Variants in CROCC2 observed in about 807,000 individuals in gnomAD.
CROCC2 encodes ciliary rootlet coiled-coil protein 2.
CROCC2 carries 163 observed loss-of-function variants against 177.6 expected under a neutral mutation model. The observed-to-expected ratio is 0.92, with a 90% CI of 0.81 to 1.05. The LOEUF is 1.05. CROCC2 is among the 50% of genes least tolerant of loss of function. The pLI is 0.00. For missense variants in CROCC2, 1,929 were observed against 1,797.8 expected (o/e 1.07, Z -1.32); for synonymous variants, 904 against 787.3 (o/e 1.15, Z -2.48).
At position 240,993,261 on chromosome 2, in the gene CROCC2, C is replaced by T; in HGVS notation, c.*180C>T. 2 of 541,762 alleles carry T rather than the reference C, an allele frequency of 3.7e-6. No individual in the cohort carries two copies. Among genetic ancestry groups the T allele is most frequent in the Non-Finnish European group, 3.4e-6 (1 of 297,564 alleles). 33.6% of individuals were successfully genotyped at this position (541,762 alleles called of 1,614,324 possible). A position where few individuals can be genotyped will look rare whatever the true frequency, so the allele number is the denominator to read the frequency against. ...CTGCTCATGGGGAACATTTGAAATG[C>T]ATGTGGGGGCCTCCGAATTTTGAAT... On this transcript the variant is annotated 3_prime_UTR_variant, in exon 32 of 32. Transcript: ENST00000690015.
At chr2:240,969,640 A>G (rs531798611) in intron 27 of CROCC2, among the ~76,000 whole-genome samples, 48 of 152,240 alleles carry the variant, frequency 3.2e-4, no homozygotes, top group Non-Finnish European at 6.0e-4. Flanking sequence ...GCCAAGTTTC[A>G]TTTTATGTGT....
intron 14 of CROCC2, among the ~76,000 whole-genome samples, chr2:240,942,964 C>T (rs2059502858): frequency 6.6e-6 from 1 of 152,032 alleles, no homozygotes; most frequent in Non-Finnish European, 1.5e-5. Context: ...TCTCCTGGTC[C>T]TTTACTACTT....
chr2:240,956,249 C>A (rs2059589309), intron 19 of CROCC2: 2 of 482,192 alleles, frequency 4.1e-6, no homozygotes, highest in Non-Finnish European at 7.5e-6. Flanking sequence ...GGGGGCCTGG[C>A]CCAGCTGGGG....
At chr2:240,980,244 A>G (rs1430092659) in intron 27 of CROCC2, among the ~76,000 whole-genome samples, 54 of 38,532 alleles carry the variant, frequency 1.4e-3, no homozygotes, top group South Asian at 2.5e-3. Flanking sequence ...ATCCCTGCTC[A>G]GTCTCTGGGG....
chr2:240,991,197 T>C lies in CROCC2; in HGVS notation c.4865T>C (p.Val1622Ala). 6.5e-7 allele frequency: 1 copy of C among 1,545,774 alleles called. No individual in the cohort carries two copies. The highest frequency in any genetic ancestry group is 8.7e-7 in the Non-Finnish European group (1 of 1,144,548). Residue 1622 changes from valine (V) to alanine (A), a missense_variant and splice_region_variant, in exon 31 of 32, where the codon GTG becomes GCG. Val to Ala is a moderately conservative substitution (Grantham distance 64). This residue lies in a region of CROCC2 where 388 missense variants were observed against 352.7 expected (regional missense o/e 1.10). Transcript: ENST00000690015. ...CCTGAGCCACTGTCCTGTCCCCAGG[T>C]GGCCAGCCTGAAGGAGCAACTGGAC... ...QQQVKVLEEQVASLKEQLDQE... is the reference protein window; with the variant it reads ...QQQVKVLEEQAASLKEQLDQE...
chr2:240,952,066 C>A (rs1401801643), intron 18 of CROCC2, among the ~76,000 whole-genome samples: 4 of 152,236 alleles, frequency 2.6e-5, no homozygotes, highest in South Asian at 2.1e-4. Flanking sequence ...AAATTACAGG[C>A]CGGGTGCTGT....
At chr2:240,931,710 G>A (rs934178199) in intron 7 of CROCC2, among the ~76,000 whole-genome samples, 1 of 152,194 alleles carries the variant, frequency 6.6e-6, no homozygotes, top group African/African-American at 2.4e-5. Context: ...ACAACCCAGG[G>A]TCCAGGGCCC....
intron 20 of CROCC2, among the ~76,000 whole-genome samples, chr2:240,961,831 G>T (rs1057360350): frequency 2.1e-3 from 37 of 17,934 alleles, no homozygotes; most frequent in African/African-American, 3.9e-3. Flanking sequence ...ACACACGCAC[G>T]CACACATACA....
chr2:240,919,890 GCCAGCCCA>G, intron 2 of CROCC2, 85 bp from the exon 3 acceptor site: 1 of 591,406 alleles, frequency 1.7e-6, no homozygotes, highest in East Asian at 3.1e-5. Context: ...GAGCCTGGTG[GCCAGCCCA>G]GGGTCCCACC....
chr2:240,915,423 T>C (rs1300337572), intron 1 of CROCC2, among the ~76,000 whole-genome samples: 1 of 152,140 alleles, frequency 6.6e-6, no homozygotes, highest in Non-Finnish European at 1.5e-5. Context: ...CCACACGTGG[T>C]CCATCCACTG....
intron 1 of CROCC2, among the ~76,000 whole-genome samples, chr2:240,915,030 G>A (rs1035388866): frequency 6.6e-5 from 10 of 152,170 alleles, no homozygotes; most frequent in South Asian, 6.2e-4. Context: ...CAGTCCCTGC[G>A]CCCTCCCTGC....
chr2:240,980,157 C>G (rs1172097225), intron 27 of CROCC2, among the ~76,000 whole-genome samples: 5 of 52,710 alleles, frequency 9.5e-5, no homozygotes, highest in African/African-American at 5.4e-4. Flanking sequence ...CCTGCTCAGT[C>G]TCTGGGGTAG....
intron 18 of CROCC2, 107 bp downstream of exon 18, chr2:240,950,617 G>T (rs749264923): frequency 8.7e-7 from 1 of 1,144,538 alleles, no homozygotes; most frequent in African/African-American, 1.6e-5. Flanking sequence ...AGGTCCAACC[G>T]CCTACCCACC....
intron 14 of CROCC2, among the ~76,000 whole-genome samples, chr2:240,941,792 C>T (rs1252883395): frequency 6.6e-6 from 1 of 152,172 alleles, no homozygotes; most frequent in Non-Finnish European, 1.5e-5. Flanking sequence ...TGTGTCCCCT[C>T]CAAAATGTAG....
rs2059325951 is a variant in CROCC2 at position 240,917,137 on chromosome 2, G to A, written c.79-1589G>A. Among the ~76,000 whole-genome samples, 1 of 152,320 alleles carries A rather than the reference G, an allele frequency of 6.6e-6. No individual in the cohort carries two copies. Among genetic ancestry groups the A allele is most frequent in the South Asian group, 2.1e-4 (1 of 4,824 alleles). ...AGGGGACTGAGAGACAGACCCTGGT[G>A]CACGGGCTGTCGGGAGGACGGGCGG... On this transcript the variant is annotated intron_variant, in intron 1 of 31. Transcript: ENST00000690015. This position sits in a 1 kb window ranked among gnomAD's most constrained non-coding sequence, Gnocchi z 4.9.
rs546814717 is a variant in CROCC2 at position 240,968,413 on chromosome 2, G to A, written c.4401+151G>A. Among the ~76,000 whole-genome samples, 8 of 152,318 alleles carry A rather than the reference G, an allele frequency of 5.3e-5. No individual in the cohort carries two copies. In the East Asian group the frequency reaches 5.8e-4, roughly 11 times the overall value. On this transcript the variant is annotated intron_variant, in intron 27 of 31. Transcript: ENST00000690015. ...GGGTGTTCGGGGCTGGAGCCAGCCC[G>A]GTGGGGCCCTGGGGCAGAGGTGCAG...
intron 15 of CROCC2, among the ~76,000 whole-genome samples, chr2:240,946,909 G>A (rs1180387075): frequency 3.3e-5 from 5 of 152,386 alleles, no homozygotes; most frequent in African/African-American, 1.2e-4. Flanking sequence ...ACATGAGGTG[G>A]AGAGTGTGGG....
Position 240,932,324 on chromosome 2 carries a change from G to C in CROCC2, c.954G>C (p.Ser318=). The C allele has an allele frequency of 1.4e-6, 1 of 715,510 alleles. No individual in the cohort carries two copies. Among genetic ancestry groups the C allele is most frequent in the East Asian group, 2.7e-5 (1 of 37,222 alleles). The allele number at this position is 715,510 out of a possible 1,614,324, so 44.3% of individuals were successfully genotyped here. A position where few individuals can be genotyped will look rare whatever the true frequency, so the allele number is the denominator to read the frequency against. Residue 318 remains serine (S), a synonymous_variant, in exon 8 of 32, where the codon TCG becomes TCC. Coordinates refer to ENST00000690015, the MANE Select transcript of CROCC2 (RefSeq NM_001351305.2). ...ACCCCCCGACTCCTCCCAGACTCTCGGAGCAAACCCTGCTGGTGGAGAAGC... is the reference window on the plus strand; with the variant it reads ...ACCCCCCGACTCCTCCCAGACTCTCCGAGCAAACCCTGCTGGTGGAGAAGC... The part of the protein sequence containing the change: ...AEKVALQARL[S]EQTLLVEKLT...
intron 14 of CROCC2, among the ~76,000 whole-genome samples, chr2:240,944,854 A>G (rs940215887): frequency 2.8e-4 from 43 of 152,290 alleles, no homozygotes; most frequent in African/African-American, 9.9e-4. Context: ...TCAATCTTAT[A>G]TATAATAAAT....
Sources: gnomAD v4.1 joint callset for allele counts (sites outside exome capture counted in the v4.1 genomes callset) on GRCh38, gnomAD v4.1.1 for gene constraint, gnomAD v4.1.1 regional missense constraint, Gnocchi (gnomAD v3.1) non-coding constraint, MANE v1.5 for transcripts, NCBI Gene and HGNC (gene_info 2026-07-23, HGNC 2026-07-21) for gene names.